DENND4A: variants seen among roughly 807,000 people sequenced by gnomAD.
The protein encoded by DENND4A is C-myc promoter-binding protein.
A neutral mutation model predicts 199.3 loss-of-function variants in DENND4A; 70 were observed. The ratio of observed to expected loss-of-function variants is 0.35; its 90% confidence interval spans 0.29 to 0.43. The LOEUF (loss-of-function observed/expected upper bound fraction) is 0.43. Among genes scored for constraint, DENND4A ranks in the 20% least tolerant of loss-of-function variants. The pLI is 1.00. For synonymous variants in DENND4A, 686 were observed against 766.9 expected (o/e 0.89, Z 1.74); for missense variants, 1,723 against 2,255.8 (o/e 0.76, Z 4.78).
chr15:65,736,519 G>A (rs539273393), intron 7 of DENND4A, among the ~76,000 whole-genome samples: 1 of 151,658 alleles, frequency 6.6e-6, no homozygotes, highest in Non-Finnish European at 1.5e-5. Flanking sequence ...ACCTGCCTCA[G>A]CCTCCCAAAG....
chr15:65,750,944 T>G (rs1567075889), intron 4 of DENND4A, among the ~76,000 whole-genome samples: 3 of 152,100 alleles, frequency 2.0e-5, no homozygotes, highest in Non-Finnish European at 1.5e-5. Context: ...AACTGATCAG[T>G]TAGATAAAAA....
chr15:65,667,299 C>G (rs1223157925), intron 29 of DENND4A, 150 bp downstream of exon 29: 3 of 956,960 alleles, frequency 3.1e-6, no homozygotes, highest in Non-Finnish European at 4.5e-6. Context: ...CACTGCACTC[C>G]AGCCTGGCGA....
intron 11 of DENND4A, chr15:65,727,848 TC>T: frequency 2.5e-6 from 1 of 398,754 alleles, no homozygotes; most frequent in South Asian, 1.9e-5. Flanking sequence ...TAAAAATAGT[TC>T]CGATAGCTAT....
At chr15:65,791,135 A>G (rs2077707390) in intron 1 of DENND4A, among the ~76,000 whole-genome samples, 1 of 152,214 alleles carries the variant, frequency 6.6e-6, no homozygotes. Flanking sequence ...TAGCTGGCTG[A>G]CACGCGTTTT....
chr15:65,761,552 CATTT>C (rs1486445678), intron 1 of DENND4A, 114 bp from the exon 2 acceptor site: 4 of 151,998 alleles, frequency 2.6e-5, no homozygotes, highest in South Asian at 2.1e-4. Context: ...AAACTGATTG[CATTT>C]ATTGTTTTCT....
At chr15:65,725,461 G>C (rs1215834226) in intron 11 of DENND4A, among the ~76,000 whole-genome samples, 2 of 152,128 alleles carry the variant, frequency 1.3e-5, no homozygotes, top group African/African-American at 4.8e-5. Context: ...CAGATCATGA[G>C]GTCAGGAGAT....
chr15:65,706,868 A>T (rs1389103810), intron 14 of DENND4A, among the ~76,000 whole-genome samples: 1 of 152,218 alleles, frequency 6.6e-6, no homozygotes, highest in Non-Finnish European at 1.5e-5. Flanking sequence ...AGGAAGAGGA[A>T]AGGAATAGGG....
chr15:65,737,644 G>T, intron 7 of DENND4A, 63 bp downstream of exon 7: 1 of 1,484,262 alleles, frequency 6.7e-7, no homozygotes, highest in South Asian at 1.3e-5. Flanking sequence ...CCCAGTTGCC[G>T]ACACAAATTT....
chr15:65,721,553 C>T (rs922745712), intron 12 of DENND4A, among the ~76,000 whole-genome samples: 3 of 145,286 alleles, frequency 2.1e-5, no homozygotes, highest in Non-Finnish European at 3.0e-5. Context: ...TAAAGCATTG[C>T]GAGGCATTTG....
At position 65,661,499 on chromosome 15, in the gene DENND4A, T is replaced by G. The variant is rs2075843492; in HGVS notation, c.*352A>C. ...AATACGTTCATCTGACATTTCTGTT[T>G]AGATTCCATTCATGATTTTTCAATC... On this transcript the variant is annotated 3_prime_UTR_variant, in exon 33 of 33. Coordinates refer to ENST00000443035, the MANE Select transcript of DENND4A (RefSeq NM_001320835.1). The G allele has an allele frequency of 6.0e-6, 1 of 167,790 alleles. No individual in the cohort carries two copies. The highest frequency in any genetic ancestry group is 1.9e-4 in the South Asian group (1 of 5,226). The allele number at this position is 167,790 out of a possible 1,614,324, so 10.4% of individuals were successfully genotyped here.
chr15:65,673,209 G>A (rs2141904902), intron 24 of DENND4A, among the ~76,000 whole-genome samples: 1 of 151,436 alleles, frequency 6.6e-6, no homozygotes, highest in Admixed American at 6.6e-5. Context: ...CAGGCATGGT[G>A]GCCCACGCCT....
In DENND4A at chr15:65,756,259, G is replaced by A; in HGVS notation, c.192C>T (p.Ile64=). The A allele has an allele frequency of 6.2e-7, 1 of 1,612,954 alleles. No homozygotes were observed. The highest frequency in any genetic ancestry group is 8.5e-7 in the Non-Finnish European group (1 of 1,179,364). The change falls in exon 3 of 33, where the codon ATC becomes ATT. Residue 64 remains isoleucine (I), a synonymous_variant. Coordinates refer to ENST00000443035, the MANE Select transcript of DENND4A (RefSeq NM_001320835.1). ...SLGEEVPQDY[I]CIDVTPTGLS... is the part of the protein sequence containing the mutation. ...ATCCAGTTGGGGTAACATCAATACAGATATAATCCTGTGGGACTTCCTCCC... is the reference window on the plus strand; with the variant it reads ...ATCCAGTTGGGGTAACATCAATACAAATATAATCCTGTGGGACTTCCTCCC...
intron 1 of DENND4A, among the ~76,000 whole-genome samples, chr15:65,768,151 C>T (rs1356648339): frequency 2.0e-5 from 3 of 152,036 alleles, no homozygotes; most frequent in South Asian, 4.1e-4. Flanking sequence ...CACACCACCA[C>T]GTCTGGCTAA....
At chr15:65,764,624 C>CT (rs775095646) in intron 1 of DENND4A, among the ~76,000 whole-genome samples, 1 of 151,760 alleles carries the variant, frequency 6.6e-6, no homozygotes, top group Non-Finnish European at 1.5e-5. Flanking sequence ...CAGCAAGACT[C>CT]TGTCTCAAAA....
intron 1 of DENND4A, among the ~76,000 whole-genome samples, chr15:65,780,504 G>A (rs1260938561): frequency 6.6e-6 from 1 of 152,118 alleles, no homozygotes; most frequent in Non-Finnish European, 1.5e-5. Context: ...GACACCAAAT[G>A]TTGGACCTCC....
intron 4 of DENND4A, among the ~76,000 whole-genome samples, chr15:65,745,460 A>T (rs1304133366): frequency 2.0e-5 from 3 of 152,212 alleles, no homozygotes; most frequent in Non-Finnish European, 2.9e-5. Flanking sequence ...TATAAAAATA[A>T]AATCCCAACA....
At chr15:65,684,916 C>T (rs1019621366) in intron 23 of DENND4A, among the ~76,000 whole-genome samples, 6 of 151,458 alleles carry the variant, frequency 4.0e-5, no homozygotes, top group South Asian at 2.1e-4. Flanking sequence ...TCTCCGCCTC[C>T]GGGCTTCAAG....
At chr15:65,683,561 A>G (rs1027378615) in intron 23 of DENND4A, among the ~76,000 whole-genome samples, 9 of 152,150 alleles carry the variant, frequency 5.9e-5, no homozygotes, top group African/African-American at 1.9e-4. Context: ...AAATTTTGAT[A>G]TATTTTTGTT....
chr15:65,683,352 A>G (rs927294671), intron 23 of DENND4A, among the ~76,000 whole-genome samples: 1 of 152,148 alleles, frequency 6.6e-6, no homozygotes, highest in African/African-American at 2.4e-5. Flanking sequence ...TTTTATTGAT[A>G]TTCTTATGCT....
Sources: allele counts gnomAD v4.1 joint callset (sites outside exome capture counted in the v4.1 genomes callset), GRCh38; gene constraint gnomAD v4.1.1; transcripts MANE v1.5; gene names NCBI Gene and HGNC (gene_info 2026-07-23, HGNC 2026-07-21).